The following DICER1 variants were observed in gnomAD, a reference collection of about 807,000 sequenced individuals.
DICER1 encodes the protein endoribonuclease Dicer.
A neutral mutation model predicts 194.1 loss-of-function variants in DICER1; 43 were observed. The observed-to-expected ratio is 0.22, with a 90% CI of 0.17 to 0.29. The LOEUF (loss-of-function observed/expected upper bound fraction) is 0.29, where lower values mean the gene tolerates loss of function less well. Ranked by LOEUF, DICER1 falls within the 10% of genes least tolerant of loss-of-function variation. The pLI, the probability that DICER1 is intolerant of heterozygous loss-of-function variation, is 1.00. For missense variants in DICER1, 1,608 were observed against 2,317.0 expected, an observed-to-expected ratio of 0.69 and a Z score of 6.28; for synonymous variants, 832 against 820.5, an observed-to-expected ratio of 1.01 and a Z score of -0.24.
chr14:95,094,208 T>A, intron 23 of DICER1, 52 bp from the exon 24 acceptor site: 1 of 1,606,004 alleles, frequency 6.2e-7, no homozygotes, highest in Non-Finnish European at 8.5e-7. Context: ...ATTTACACTA[T>A]CCCCACATAG....
chr14:95,103,140 T>A (rs1891040258), intron 21 of DICER1, among the ~76,000 whole-genome samples: 1 of 152,078 alleles, frequency 6.6e-6, no homozygotes, highest in Non-Finnish European at 1.5e-5. Flanking sequence ...AGTGTGGGAT[T>A]GGTGTAAAGC....
At chr14:95,119,651 G>A (rs1002198517) in intron 8 of DICER1, among the ~76,000 whole-genome samples, 1 of 152,218 alleles carries the variant, frequency 6.6e-6, no homozygotes, top group Non-Finnish European at 1.5e-5. Flanking sequence ...CTGTTCACCA[G>A]CAAAGTATAC....
chr14:95,090,729 T>G (rs1889725073), intron 26 of DICER1, 66 bp from the exon 27 acceptor site: 1 of 1,581,334 alleles, frequency 6.3e-7, no homozygotes, highest in East Asian at 2.2e-5. Context: ...CAATCAGCAT[T>G]TAGTGTGCAC....
At chr14:95,095,561 A>C (rs1325571289) in intron 23 of DICER1, 1 of 479,670 alleles carries the variant, frequency 2.1e-6, no homozygotes. Context: ...CTAAGGTTAA[A>C]ATTTCTCTAA....
chr14:95,118,051 C>G (rs1258498294), intron 8 of DICER1, among the ~76,000 whole-genome samples: 1 of 152,096 alleles, frequency 6.6e-6, no homozygotes, highest in African/African-American at 2.4e-5. Flanking sequence ...GAAATGTGGC[C>G]CAGGATGAGA....
chr14:95,138,200 A>AT (rs144050682), intron 1 of DICER1, among the ~76,000 whole-genome samples: 5,604 of 147,512 alleles, frequency 0.038, 310 homozygotes, highest in African/African-American at 0.12. Context: ...AAGGACAGAG[A>AT]TTTTTTTTTT....
intron 8 of DICER1, among the ~76,000 whole-genome samples, chr14:95,118,517 C>G (rs542360829): frequency 1.3e-5 from 2 of 152,292 alleles, no homozygotes; most frequent in African/African-American, 4.8e-5. Flanking sequence ...TCTCTTCCTG[C>G]CTGCTCCTCT....
At chr14:95,152,820 C>G (rs946493807) in intron 1 of DICER1, among the ~76,000 whole-genome samples, 2 of 152,172 alleles carry the variant, frequency 1.3e-5, no homozygotes, top group African/African-American at 4.8e-5. Context: ...TCAATTTCAC[C>G]AGCTACATCT....
intron 1 of DICER1, among the ~76,000 whole-genome samples, chr14:95,146,383 CT>C (rs1251179637): frequency 1.3e-5 from 2 of 151,968 alleles, no homozygotes; most frequent in South Asian, 2.1e-4. Context: ...GTGCTTTTAA[CT>C]TTTTTTTGCA....
In DICER1 at chr14:95,099,889, G is replaced by C; in HGVS notation, c.4097C>G (p.Pro1366Arg). 6.2e-7 allele frequency: 1 copy of C among 1,613,992 alleles called. No homozygotes were observed. Among genetic ancestry groups the C allele is most frequent in the Non-Finnish European group, 8.5e-7 (1 of 1,179,974 alleles). Reference sequence around the variant, plus strand: ...AAATATTGACACCACCATGCGGCTGGGTAGTCCCTTCTTTTTTCCAAGGCG... The same window carrying C: ...AAATATTGACACCACCATGCGGCTGCGTAGTCCCTTCTTTTTTCCAAGGCG... Reference protein sequence around the residue: ...LYRLGKKKGLPSRMVVSIFDP... With the variant: ...LYRLGKKKGLRSRMVVSIFDP... Residue 1366 changes from proline (P) to arginine (R), a missense_variant, in exon 22 of 27, where the codon CCC becomes CGC. This residue lies in a region of DICER1 where 58 missense variants were observed against 125.7 expected (regional missense o/e 0.46). Coordinates refer to ENST00000343455, the MANE Select transcript of DICER1 (RefSeq NM_177438.3).
chr14:95,138,981 AT>A lies in DICER1; in HGVS notation c.-45-5479del, dbSNP rs1595484585. ...TTAGAGTATAATAAAAAAAATAAAAATAAATAAAAAAATAAAAAAAAAAAAA... is the reference window on the plus strand; with the variant it reads ...TTAGAGTATAATAAAAAAAATAAAAAAAATAAAAAAATAAAAAAAAAAAAA... On this transcript the variant is annotated intron_variant, in intron 1 of 26. Transcript: ENST00000343455. Among the ~76,000 whole-genome samples, 15 of 92,850 alleles carry A rather than the reference AT, an allele frequency of 1.6e-4. No homozygotes were observed. The East Asian group carries it at 1.7e-3, about 10-fold the overall frequency. 60.9% of individuals were successfully genotyped at this position (92,850 alleles called of 152,430 possible).
chr14:95,103,242 T>C (rs1469186061), intron 21 of DICER1, 104 bp downstream of exon 21: 4 of 1,307,744 alleles, frequency 3.1e-6, no homozygotes, highest in Non-Finnish European at 4.4e-6. Flanking sequence ...TGTAGCAATT[T>C]CTGAGCATGA....
chr14:95,133,768 C>T (rs1178596739), intron 1 of DICER1, among the ~76,000 whole-genome samples: 2 of 152,084 alleles, frequency 1.3e-5, no homozygotes, highest in South Asian at 2.1e-4. Context: ...TTTGTTGTTG[C>T]ATTATTACTT....
intron 17 of DICER1, 131 bp from the exon 18 acceptor site, chr14:95,106,354 T>A: frequency 1.4e-6 from 1 of 723,666 alleles, no homozygotes; most frequent in Non-Finnish European, 2.4e-6. Flanking sequence ...ACAATAAACA[T>A]CTGTATTCCA....
At chr14:95,146,581 T>G (rs766363555) in intron 1 of DICER1, among the ~76,000 whole-genome samples, 1 of 152,188 alleles carries the variant, frequency 6.6e-6, no homozygotes, top group Non-Finnish European at 1.5e-5. Flanking sequence ...GTTGTCAGCA[T>G]ATCCTCATTC....
intron 5 of DICER1, 65 bp from the exon 6 acceptor site, chr14:95,129,697 C>A: frequency 2.1e-6 from 3 of 1,444,458 alleles, no homozygotes; most frequent in Non-Finnish European, 1.9e-6. Flanking sequence ...AGAGAGACAT[C>A]GCCATATTAA....
chr14:95,140,373 GT>G (rs1169792927), intron 1 of DICER1, among the ~76,000 whole-genome samples: 1 of 152,204 alleles, frequency 6.6e-6, no homozygotes, highest in African/African-American at 2.4e-5. Context: ...AAATACCACT[GT>G]GTCACAACGG....
At chr14:95,106,929 T>A (rs1490713423) in intron 17 of DICER1, among the ~76,000 whole-genome samples, 1 of 152,206 alleles carries the variant, frequency 6.6e-6, no homozygotes, top group East Asian at 1.9e-4. Flanking sequence ...CCTATCAACA[T>A]TAGATTATCT....
intron 3 of DICER1, 46 bp downstream of exon 3, chr14:95,132,469 C>T (rs1483641042): frequency 6.3e-7 from 1 of 1,586,430 alleles, no homozygotes; most frequent in East Asian, 2.2e-5. Context: ...ACATAAAATC[C>T]CATCCAATTT....
Sources: gnomAD v4.1 joint callset for allele counts (sites outside exome capture counted in the v4.1 genomes callset) on GRCh38, gnomAD v4.1.1 for gene constraint, gnomAD v4.1.1 regional missense constraint, MANE v1.5 for transcripts, NCBI Gene and HGNC (gene_info 2026-07-23, HGNC 2026-07-21) for gene names.